Variants in BMPR1B observed in about 807,000 individuals in gnomAD.
BMPR1B encodes bone morphogenetic protein receptor type 1B.
In BMPR1B, 12 loss-of-function variants were observed where a neutral mutation model predicts 59.1. That is an observed-to-expected ratio of 0.20 (90% confidence interval 0.13 to 0.33). BMPR1B has a LOEUF of 0.33. Among genes scored for constraint, BMPR1B ranks in the 10% least tolerant of loss-of-function variants. BMPR1B has a pLI of 1.00. For missense variants in BMPR1B, 550 were observed against 610.9 expected, an observed-to-expected ratio of 0.90 and a Z score of 1.05; for synonymous variants, 237 against 207.3, an observed-to-expected ratio of 1.14 and a Z score of -1.23.
At chr4:94,809,107 C>T (rs567354360) in intron 1 of BMPR1B, among the ~76,000 whole-genome samples, 1 of 152,042 alleles carries the variant, frequency 6.6e-6, no homozygotes, top group African/African-American at 2.4e-5. Context: ...TACGGTTGGA[C>T]CTTTATAAAT....
chr4:94,997,627 C>G (rs1261234333), intron 3 of BMPR1B, among the ~76,000 whole-genome samples: 1 of 152,076 alleles, frequency 6.6e-6, no homozygotes, highest in Non-Finnish European at 1.5e-5. Context: ...AATCTTTGTA[C>G]TTCTTCCAAT....
intron 1 of BMPR1B, among the ~76,000 whole-genome samples, chr4:94,802,637 G>A (rs1054839250): frequency 6.6e-6 from 1 of 152,094 alleles, no homozygotes; most frequent in African/African-American, 2.4e-5. Flanking sequence ...TAGAATTAGA[G>A]GAAAATGTTT....
In BMPR1B at chr4:94,843,892, A is replaced by G. The variant is rs193173356; in HGVS notation, c.-182-31939A>G. Among the ~76,000 whole-genome samples the G allele has an allele frequency of 1.5e-4, 23 of 152,234 alleles. No individual in the cohort carries two copies. The East Asian group carries it at 4.3e-3, about 28-fold the overall frequency. On this transcript the variant is annotated intron_variant, in intron 1 of 12. Transcript: ENST00000515059. ...CACTTCCAGTTTTGTAGGAATAATG[A>G]TGGATGACCTGGGGCTGCAGCTCTA...
chr4:94,841,557 A>G (rs1053022222), intron 1 of BMPR1B, among the ~76,000 whole-genome samples: 15 of 151,062 alleles, frequency 9.9e-5, no homozygotes, highest in Admixed American at 9.9e-4. Context: ...TTCTTTGACT[A>G]GGAAAGGGAA....
At chr4:94,843,388 A>T (rs528021663) in intron 1 of BMPR1B, among the ~76,000 whole-genome samples, 1 of 152,326 alleles carries the variant, frequency 6.6e-6, no homozygotes, top group East Asian at 1.9e-4. Flanking sequence ...GCTGCTTCCC[A>T]GAAGCTCACA....
chr4:95,018,034 G>A (rs894315646), intron 3 of BMPR1B, among the ~76,000 whole-genome samples: 2 of 152,082 alleles, frequency 1.3e-5, no homozygotes, highest in Admixed American at 6.6e-5. Context: ...GCTGAGAAGC[G>A]ATAATACTAT....
At chr4:94,988,651 C>A (rs1721554135) in intron 2 of BMPR1B, among the ~76,000 whole-genome samples, 1 of 152,112 alleles carries the variant, frequency 6.6e-6, no homozygotes, top group South Asian at 2.1e-4. Flanking sequence ...ATTAACTGAG[C>A]AGCCAATACT....
At chr4:94,826,986 T>C (rs933036480) in intron 1 of BMPR1B, among the ~76,000 whole-genome samples, 1 of 152,136 alleles carries the variant, frequency 6.6e-6, no homozygotes, top group Non-Finnish European at 1.5e-5. Flanking sequence ...ATTACAAAAA[T>C]AAGCCAAAAA....
At chr4:95,009,974 C>T (rs986922497) in intron 3 of BMPR1B, among the ~76,000 whole-genome samples, 5 of 152,084 alleles carry the variant, frequency 3.3e-5, no homozygotes, top group Non-Finnish European at 1.5e-5. Flanking sequence ...AGAACATGAA[C>T]TTAAGACAGA....
intron 2 of BMPR1B, among the ~76,000 whole-genome samples, chr4:94,976,146 C>T (rs943492187): frequency 7.9e-5 from 12 of 152,152 alleles, no homozygotes; most frequent in South Asian, 4.1e-4. Context: ...AGGGTCTGGC[C>T]GTGTGGTCCC....
intron 2 of BMPR1B, among the ~76,000 whole-genome samples, chr4:94,906,379 A>G (rs1329586032): frequency 6.6e-6 from 1 of 152,192 alleles, no homozygotes. Context: ...TGCATTTCAG[A>G]CCACACATTT....
Position 95,156,190 on chromosome 4 carries a change from A to G in BMPR1B, c.*1517A>G, listed in dbSNP as rs1251112393. On this transcript the variant is annotated 3_prime_UTR_variant, in exon 13 of 13. Coordinates refer to ENST00000515059, the MANE Select transcript of BMPR1B (RefSeq NM_001203.3). ...AATATTGTTTAGCAACATGAATACA[A>G]TACAGTTTAAAGTTGTACACATCCT... 1.3e-5 allele frequency: 2 copies of G among 152,206 alleles called. No individual in the cohort carries two copies. The highest frequency in any genetic ancestry group is 4.8e-5 in the African/African-American group (2 of 41,460). 9.4% of individuals were successfully genotyped at this position (152,206 alleles called of 1,614,324 possible).
intron 1 of BMPR1B, among the ~76,000 whole-genome samples, chr4:94,819,330 C>T (rs1034977488): frequency 9.2e-5 from 14 of 152,090 alleles, no homozygotes; most frequent in East Asian, 1.9e-4. Context: ...TTGTGGCATC[C>T]GATTCTCTCA....
intron 2 of BMPR1B, among the ~76,000 whole-genome samples, chr4:94,878,151 T>C (rs1006605607): frequency 2.0e-5 from 3 of 152,238 alleles, no homozygotes; most frequent in South Asian, 2.1e-4. Flanking sequence ...AAAGGCTCTT[T>C]AAGCATATTG....
chr4:95,044,631 A>G (rs1725902002), intron 3 of BMPR1B, among the ~76,000 whole-genome samples: 1 of 152,188 alleles, frequency 6.6e-6, no homozygotes, highest in Non-Finnish European at 1.5e-5. Flanking sequence ...CAGAGAGAAG[A>G]CGTGCTCAGA....
rs940223345 is a variant in BMPR1B at position 94,909,969 on chromosome 4, A to G, written c.-113+34069A>G. ...TCCCAAAGTGGCATTTTTGTTTGCCAACACCCTCATAGGAAACTGTATTAG... is the reference window on the plus strand; with the variant it reads ...TCCCAAAGTGGCATTTTTGTTTGCCGACACCCTCATAGGAAACTGTATTAG... On this transcript the variant is annotated intron_variant, in intron 2 of 12. Transcript: ENST00000515059. Among the ~76,000 whole-genome samples, 5 of 152,216 alleles carry G rather than the reference A, an allele frequency of 3.3e-5. No homozygotes were observed. In the East Asian group the frequency reaches 9.7e-4, roughly 29 times the overall value.
chr4:95,098,211 A>G (rs1439435504), intron 3 of BMPR1B, among the ~76,000 whole-genome samples: 1 of 152,188 alleles, frequency 6.6e-6, no homozygotes, highest in Admixed American at 6.5e-5. Context: ...ATTTATTATG[A>G]ATACATGTCA....
rs1184449898 is a variant in BMPR1B at position 94,770,180 on chromosome 4, GTGTTTGTTTT to G, written c.-183+12114_-183+12123del. ...TTTGTTTGAATTGTCCTTCGTTTCT[GTGTTTGTTTT>G]TTTTTTTTTTTTTTGCGAAAGCAAG... On this transcript the variant is annotated intron_variant, in intron 1 of 12. Transcript: ENST00000515059. Among the ~76,000 whole-genome samples, 325 of 106,192 alleles carry G rather than the reference GTGTTTGTTTT, an allele frequency of 3.1e-3. 5 individuals are homozygous for G. Among genetic ancestry groups the G allele is most frequent in the East Asian group, 7.2e-3 (34 of 4,712 alleles). 69.7% of individuals were successfully genotyped at this position (106,192 alleles called of 152,430 possible).
At chr4:95,042,849 C>T (rs1674294001) in intron 3 of BMPR1B, among the ~76,000 whole-genome samples, 1 of 152,114 alleles carries the variant, frequency 6.6e-6, no homozygotes, top group Non-Finnish European at 1.5e-5. Context: ...TCATATTTTC[C>T]AGGTGATGGT....
Sources: gnomAD v4.1 joint callset for allele counts (sites outside exome capture counted in the v4.1 genomes callset) on GRCh38, gnomAD v4.1.1 for gene constraint, MANE v1.5 for transcripts, NCBI Gene and HGNC (gene_info 2026-07-23, HGNC 2026-07-21) for gene names.